The following LMF2 variants were observed in gnomAD, a reference collection of about 807,000 sequenced individuals.
The protein encoded by LMF2 is lipase maturation factor 2, also known as transmembrane protein 112B.
In LMF2, 113 loss-of-function variants were observed where a neutral mutation model predicts 81.5. The observed-to-expected ratio is 1.39, with a 90% CI of 1.19 to 1.62. The LOEUF is 1.62. Among genes scored for constraint, LMF2 ranks in the 40% most tolerant of loss-of-function variants. LMF2 has a pLI of 0.00. For synonymous variants in LMF2, 645 were observed against 424.5 expected (o/e 1.52, Z -6.39); for missense variants, 1,235 against 929.1 (o/e 1.33, Z -4.28).
Position 50,506,425 on chromosome 22 carries a change from G to GC in LMF2, c.454dup (p.Ala152GlyfsTer85), listed in dbSNP as rs1419326230. ...GGCCCCTGCCTGCCTGCCCTGGGGG[G>GC]CCTCCTTGCGGTGGGAGGCTGGCCT... On this transcript the variant is annotated frameshift_variant, in exon 4 of 14. Coordinates refer to ENST00000474879, the MANE Select transcript of LMF2 (RefSeq NM_033200.3). LOFTEE classifies it high-confidence loss of function. 6.5e-7 allele frequency: 1 copy of GC among 1,550,082 alleles called. No individual in the cohort carries two copies. Among genetic ancestry groups the GC allele is most frequent in the Non-Finnish European group, 8.7e-7 (1 of 1,147,948 alleles).
At chr22:50,507,389 C>T in intron 1 of LMF2, 193 bp downstream of exon 1, 1 of 637,484 alleles carries the variant, frequency 1.6e-6, no homozygotes, top group African/African-American at 1.8e-5. Context: ...AGTCCAGAGC[C>T]TTACGGGAAA....
Position 50,506,972 on chromosome 22 carries a change from C to A in LMF2, c.158G>T (p.Arg53Leu). 1.9e-6 allele frequency: 3 copies of A among 1,590,016 alleles called. No individual in the cohort carries two copies. Among genetic ancestry groups the A allele is most frequent in the Middle Eastern group, 1.9e-4 (1 of 5,216 alleles). The change falls in exon 2 of 14, where the codon CGC becomes CTC. Residue 53 changes from arginine to leucine, a missense_variant. Arg to Leu is a moderately radical substitution (Grantham distance 102). Transcript: ENST00000474879. ...CGGGGTCTCCCACAGCTGCTGCCAG[C>A]GCCCCTTGCCCTGAGGCCGCAGCGT... ...RRTLRPQGKG[R>L]WQQLWETPTL...
At chr22:50,504,493 C>CCG in intron 11 of LMF2, 42 bp from the exon 12 acceptor site, 43 of 1,491,548 alleles carry the variant, frequency 2.9e-5, no homozygotes, top group Non-Finnish European at 3.7e-5. Flanking sequence ...AGTACCCGCC[C>CCG]TGCCCCTCCC....
intron 6 of LMF2, 33 bp downstream of exon 6, chr22:50,505,641 G>A (rs1437575479): frequency 2.5e-6 from 4 of 1,611,952 alleles, no homozygotes; most frequent in Non-Finnish European, 3.4e-6. Context: ...GAGAACCCCT[G>A]GGAGGGCAGG....
intron 5 of LMF2, 57 bp downstream of exon 5, chr22:50,505,978 C>A: frequency 6.4e-7 from 1 of 1,560,260 alleles, no homozygotes; most frequent in Non-Finnish European, 8.7e-7. Flanking sequence ...GCACGCTGAG[C>A]AGCGCTGAAG....
rs2068458630 is a variant in LMF2, at chr22:50,503,465, C to T, written c.2050G>A (p.Ala684Thr). 6.3e-7 allele frequency: 1 copy of T among 1,596,784 alleles called. No homozygotes were observed. Among genetic ancestry groups the T allele is most frequent in the Admixed American group, 1.8e-5 (1 of 54,404 alleles). The change falls in exon 14 of 14, where the codon GCT becomes ACT. Residue 684 changes from alanine (A) to threonine (T), a missense_variant. Transcript: ENST00000474879. ...RRPASQKDSG[A>T]ASEQATAAPN... ...GCTGCGGTGGCCTGTTCGGAGGCAG[C>T]TCCGGAGTCTTTCTGGGAGGCTGGC...
chr22:50,504,913 G>C lies in LMF2; in HGVS notation c.1326C>G (p.Ala442=), dbSNP rs1028337819. The part of the protein sequence containing the change: ...LWTGAHRLFG[A]VEHLQLANSY... The stretch of plus-strand genomic sequence containing the variant: ...AGTTGGCCAGCTGTAGGTGCTCCAC[G>C]GCACCAAACAGGCGGTGGGCCCCGG... The change falls in exon 10 of 14, where the codon GCC becomes GCG. Residue 442 remains alanine, a synonymous_variant. Transcript: ENST00000474879. The C allele has an allele frequency of 3.7e-6, 6 of 1,608,292 alleles. No individual in the cohort carries two copies. Among genetic ancestry groups the C allele is most frequent in the Middle Eastern group, 1.7e-4 (1 of 6,034 alleles).
At chr22:50,505,193 C>T in intron 8 of LMF2, 36 bp downstream of exon 8, 1 of 1,612,700 alleles carries the variant, frequency 6.2e-7, no homozygotes, top group Non-Finnish European at 8.5e-7. Context: ...CGGCCCTGCA[C>T]ACCTGTGCCC....
chr22:50,506,545 G>C, intron 3 of LMF2, 43 bp from the exon 4 acceptor site: 1 of 1,578,472 alleles, frequency 6.3e-7, no homozygotes. Flanking sequence ...TCCCCACACA[G>C]CTGCTTCCCT....
intron 12 of LMF2, 31 bp downstream of exon 12, chr22:50,504,309 G>A (rs1365048129): frequency 1.3e-6 from 2 of 1,535,912 alleles, no homozygotes; most frequent in Middle Eastern, 1.9e-4. Flanking sequence ...TGCACCCCGG[G>A]CTCCACACCC....
Position 50,507,688 on chromosome 22 carries a change from G to T in LMF2, c.-13C>A. 1 of 1,545,308 alleles carries T rather than the reference G, an allele frequency of 6.5e-7. No individual in the cohort carries two copies. Among genetic ancestry groups the T allele is most frequent in the Non-Finnish European group, 8.7e-7 (1 of 1,144,418 alleles). ...GGGAGCCCGCCATGTCCGCTACGCG[G>T]CCCGCTAGAGCAGGGCCCGCCCTCC... is the stretch of plus-strand genomic sequence containing the variant. On this transcript the variant is annotated 5_prime_UTR_variant, in exon 1 of 14. Transcript: ENST00000474879.
intron 1 of LMF2, 151 bp from the exon 2 acceptor site, chr22:50,507,186 C>T: frequency 7.5e-7 from 1 of 1,327,846 alleles, no homozygotes; most frequent in Non-Finnish European, 1.0e-6. Context: ...AGAGCCCGTC[C>T]CCCAGGTCGG....
intron 8 of LMF2, 24 bp downstream of exon 8, chr22:50,505,205 C>G: frequency 6.2e-7 from 1 of 1,612,738 alleles, no homozygotes; most frequent in Non-Finnish European, 8.5e-7. Flanking sequence ...CCTGTGCCCC[C>G]TCCCTGCTTC....
At chr22:50,507,187 C>T in intron 1 of LMF2, 152 bp from the exon 2 acceptor site, 1 of 1,309,080 alleles carries the variant, frequency 7.6e-7, no homozygotes. Context: ...GAGCCCGTCC[C>T]CCAGGTCGGG....
At chr22:50,507,496 C>T (rs2068626111) in intron 1 of LMF2, 86 bp downstream of exon 1, 1 of 1,096,998 alleles carries the variant, frequency 9.1e-7, no homozygotes, top group African/African-American at 1.6e-5. Context: ...CTCCCAACCC[C>T]GGACTGCGTG....
chr22:50,505,708 C>A lies in LMF2; in HGVS notation c.882G>T (p.Glu294Asp), dbSNP rs533940345. 12 of 1,612,880 alleles carry A rather than the reference C, an allele frequency of 7.4e-6. No homozygotes were observed. In the African/African-American group the frequency reaches 8.0e-5, roughly 11 times the overall value. Reference sequence around the variant, plus strand: ...TCTTCTTGCGGCTGCCGTGGCCAGGCTCAGCAGCCAGGTGCTGGTCGTCCA... The same window carrying A: ...TCTTCTTGCGGCTGCCGTGGCCAGGATCAGCAGCCAGGTGCTGGTCGTCCA... The part of the protein sequence containing the change: ...ALLDDQHLAA[E>D]PGHGSRKKTA... Residue 294 changes from glutamate (E) to aspartate (D), a missense_variant, in exon 6 of 14, where the codon GAG (glutamate) becomes GAT (aspartate). Glu to Asp is a conservative substitution (Grantham distance 45, BLOSUM62 2). Transcript: ENST00000474879.
In LMF2 at chr22:50,503,266, GC is replaced by G; in HGVS notation, c.*124del. ...CAGCACCCTGCAAACCCCAGGGGCA[GC>G]CCCCCAACCTGTGCCTGGCCCTGCA... is the stretch of plus-strand genomic sequence containing the variant. On this transcript the variant is annotated 3_prime_UTR_variant, in exon 14 of 14. Transcript: ENST00000474879. 1.9e-6 allele frequency: 2 copies of G among 1,043,004 alleles called. No individual in the cohort carries two copies. Among genetic ancestry groups the G allele is most frequent in the Non-Finnish European group, 2.7e-6 (2 of 729,324 alleles). The allele number at this position is 1,043,004 out of a possible 1,614,324, so 64.6% of individuals were successfully genotyped here. A position where few individuals can be genotyped will look rare whatever the true frequency, so the allele number is the denominator to read the frequency against.
Position 50,503,528 on chromosome 22 carries a change from A to G in LMF2, c.1987T>C (p.Ser663Pro), listed in dbSNP as rs1471429014. ...QALLAPCSLR[S>P]SPLAPVSGEK... ...CCGCTGACTGGTGCCAGCGGGGAGG[A>G]CCGGAGAGAACAGGGTGCTAGCAGG... The change falls in exon 14 of 14, where the codon TCC becomes CCC. Residue 663 changes from serine (S) to proline (P), a missense_variant. Physicochemically the swap from Ser to Pro is moderately conservative, Grantham distance 74. Transcript: ENST00000474879. The G allele has an allele frequency of 6.4e-7, 1 of 1,569,030 alleles. No homozygotes were observed. The highest frequency in any genetic ancestry group is 2.0e-5 in the Admixed American group (1 of 48,854).
Position 50,504,377 on chromosome 22 carries a change from G to C in LMF2, c.1681C>G (p.Arg561Gly), listed in dbSNP as rs1298957045. ...GGCTGGGAGAACCAGTACTTGTAGC[G>C]CTGGGCTCGGACGTAGGTGGGCGGC... ...KQPPTYVRAQ[R>G]YKYWFSQPGE... Residue 561 changes from arginine to glycine, a missense_variant, in exon 12 of 14, where the codon CGC becomes GGC. Arg to Gly is a moderately radical substitution (Grantham distance 125). Coordinates refer to ENST00000474879, the MANE Select transcript of LMF2 (RefSeq NM_033200.3). 1 of 1,612,018 alleles carries C rather than the reference G, an allele frequency of 6.2e-7. No homozygotes were observed. The highest frequency in any genetic ancestry group is 8.5e-7 in the Non-Finnish European group (1 of 1,179,560).
Sources: gnomAD v4.1 joint callset for allele counts on GRCh38, gnomAD v4.1.1 for gene constraint, MANE v1.5 for transcripts, NCBI Gene and HGNC (gene_info 2026-07-23, HGNC 2026-07-21) for gene names.